Variants in IPO8 observed in about 807,000 individuals in gnomAD.
IPO8 encodes the protein importin 8.
A neutral mutation model predicts 141.2 loss-of-function variants in IPO8; 65 were observed. The ratio of observed to expected loss-of-function variants is 0.46; its 90% CI spans 0.38 to 0.57. The LOEUF (loss-of-function observed/expected upper bound fraction) is 0.57, where lower values mean the gene tolerates loss of function less well. IPO8 is among the 20% of genes least tolerant of loss of function. The probability of loss-of-function intolerance (pLI) is 0.00; values close to 1 mark genes in which losing one functional copy is unlikely to be tolerated. For missense variants in IPO8, 980 were observed against 1,246.8 expected, an observed-to-expected ratio of 0.79 and a Z score of 3.22; for synonymous variants, 411 against 420.3, an observed-to-expected ratio of 0.98 and a Z score of 0.27.
intron 1 of IPO8, among the ~76,000 whole-genome samples, chr12:30,694,664 C>T (rs779259881): frequency 6.6e-6 from 1 of 152,184 alleles, no homozygotes; most frequent in Non-Finnish European, 1.5e-5. Context: ...GATGCTGAAG[C>T]TCCAGGTCCT....
At chr12:30,632,698 C>T (rs2052449254) in intron 23 of IPO8, among the ~76,000 whole-genome samples, 1 of 152,160 alleles carries the variant, frequency 6.6e-6, no homozygotes. Flanking sequence ...ATAAAGTGAA[C>T]CTCTAACACT....
Position 30,665,240 on chromosome 12 carries a change from G to T in IPO8, c.1408C>A (p.Leu470Met). ...NHVFPLLLSN[L>M]GYLRARSCWV... is the part of the protein sequence containing the mutation. Reference sequence around the variant, plus strand: ...CTTACTCTAGCTCGAAGATATCCCAGGTTAGACAATAATAATGGAAATACA... The same window carrying T: ...CTTACTCTAGCTCGAAGATATCCCATGTTAGACAATAATAATGGAAATACA... Residue 470 changes from leucine to methionine, a missense_variant, in exon 13 of 25, where the codon CTG becomes ATG. This residue lies in a region of IPO8 where 924 missense variants were observed against 1,153.9 expected (regional missense o/e 0.80). Coordinates refer to ENST00000256079, the MANE Select transcript of IPO8 (RefSeq NM_006390.4). The T allele has an allele frequency of 6.3e-7, 1 of 1,582,670 alleles. No individual in the cohort carries two copies. The highest frequency in any genetic ancestry group is 8.7e-7 in the Non-Finnish European group (1 of 1,154,848).
In IPO8 at chr12:30,661,260, T is replaced by C; in HGVS notation, c.1762A>G (p.Ile588Val). The C allele has an allele frequency of 6.3e-7, 1 of 1,586,020 alleles. No individual in the cohort carries two copies. The highest frequency in any genetic ancestry group is 1.4e-5 in the African/African-American group (1 of 73,256). The change falls in exon 16 of 25, where the codon ATA (isoleucine) becomes GTA (valine). Residue 588 changes from isoleucine to valine, a missense_variant. Ile to Val is a conservative substitution (Grantham distance 29, BLOSUM62 3). Coordinates refer to ENST00000256079, the MANE Select transcript of IPO8 (RefSeq NM_006390.4). The stretch of plus-strand genomic sequence containing the variant: ...TCACTTTGAAGAACTTTGCCAAATA[T>C]CTCAGCCTATGAAAATAACATTAAA... ...AVDMTQHLAEIFGKVLQSDEY... is the reference protein window; with the variant it reads ...AVDMTQHLAEVFGKVLQSDEY...
At chr12:30,667,601 C>T (rs1046702420) in intron 10 of IPO8, among the ~76,000 whole-genome samples, 4 of 152,162 alleles carry the variant, frequency 2.6e-5, no homozygotes, top group Admixed American at 6.5e-5. Context: ...AAGTAAAATA[C>T]ACATATCAAA....
chr12:30,630,754 G>T lies in IPO8; in HGVS notation c.*106C>A. The T allele has an allele frequency of 1.2e-6, 1 of 816,036 alleles. No homozygotes were observed. The highest frequency in any genetic ancestry group is 2.0e-6 in the Non-Finnish European group (1 of 495,452). 50.5% of individuals were successfully genotyped at this position (816,036 alleles called of 1,614,324 possible). On this transcript the variant is annotated 3_prime_UTR_variant, in exon 25 of 25. Coordinates refer to ENST00000256079, the MANE Select transcript of IPO8 (RefSeq NM_006390.4). ...CTAATGCCAGATGGTAACTGGCACA[G>T]CAGGAGGGCCCTAAAAGCAGCCCCT... is the stretch of plus-strand genomic sequence containing the variant.
chr12:30,631,849 G>T, intron 24 of IPO8, 46 bp downstream of exon 24: 3 of 1,284,486 alleles, frequency 2.3e-6, no homozygotes, highest in South Asian at 1.3e-5. Flanking sequence ...GCTGTCTGTT[G>T]GCACTCTGAC....
intron 14 of IPO8, among the ~76,000 whole-genome samples, chr12:30,663,175 C>T (rs866458211): frequency 6.6e-6 from 1 of 152,106 alleles, no homozygotes; most frequent in Non-Finnish European, 1.5e-5. Flanking sequence ...GAAACCTGAG[C>T]CTTGACAGAT....
Position 30,629,167 on chromosome 12 carries a change from GACAAT to G in IPO8, c.*1688_*1692del, listed in dbSNP as rs1476456998. On this transcript the variant is annotated 3_prime_UTR_variant, in exon 25 of 25. Coordinates refer to ENST00000256079, the MANE Select transcript of IPO8 (RefSeq NM_006390.4). The stretch of plus-strand genomic sequence containing the variant: ...TCTCTTTCCCTTTAATACTGCAGAA[GACAAT>G]ACATCACAAAATAAAATCTCAAAAA... 3 of 152,178 alleles carry G rather than the reference GACAAT, an allele frequency of 2.0e-5. No individual in the cohort carries two copies. Among genetic ancestry groups the G allele is most frequent in the Admixed American group, 1.3e-4 (2 of 15,274 alleles). The allele number at this position is 152,178 out of a possible 1,614,324, so 9.4% of individuals were successfully genotyped here.
chr12:30,665,931 A>G, intron 11 of IPO8, 86 bp from the exon 12 acceptor site: 1 of 872,734 alleles, frequency 1.1e-6, no homozygotes, highest in Non-Finnish European at 1.8e-6. Flanking sequence ...ATTTTTAAAA[A>G]TAAAGCCATT....
intron 8 of IPO8, among the ~76,000 whole-genome samples, chr12:30,672,580 T>C (rs990812026): frequency 2.6e-5 from 4 of 152,316 alleles, no homozygotes; most frequent in East Asian, 3.9e-4. Context: ...TATATGTGTA[T>C]ACATGTATAC....
intron 21 of IPO8, among the ~76,000 whole-genome samples, chr12:30,638,748 G>C (rs2052536117): frequency 6.6e-6 from 1 of 151,908 alleles, no homozygotes. Flanking sequence ...CTCACTGCAA[G>C]CTCCGCCTCC....
At chr12:30,666,332 C>A in intron 10 of IPO8, 81 bp from the exon 11 acceptor site, 2 of 1,010,438 alleles carry the variant, frequency 2.0e-6, no homozygotes, top group South Asian at 1.7e-5. Flanking sequence ...GACCGCTATT[C>A]CAAACCAAAA....
chr12:30,639,298 G>A lies in IPO8; in HGVS notation c.2489+217C>T, dbSNP rs7955749. Among the ~76,000 whole-genome samples the A allele has an allele frequency of 7.0e-3, 1,055 of 151,770 alleles. 7 individuals are homozygous for A. Among genetic ancestry groups the A allele is most frequent in the African/African-American group, 0.023 (965 of 41,334 alleles). ...AAAAATAAATAAAAAAAATAAAAGC[G>A]GGAAAGGGCTACATCAAATTTTCAG... On this transcript the variant is annotated intron_variant, in intron 21 of 24. Transcript: ENST00000256079.
intron 8 of IPO8, among the ~76,000 whole-genome samples, chr12:30,671,687 A>G (rs1451166242): frequency 9.3e-5 from 14 of 151,010 alleles, no homozygotes; most frequent in Admixed American, 2.0e-4. Flanking sequence ...AAAAAAAAAA[A>G]AAAAAAAAAA....
intron 16 of IPO8, among the ~76,000 whole-genome samples, chr12:30,657,432 T>G (rs1321953543): frequency 6.6e-6 from 1 of 152,172 alleles, no homozygotes; most frequent in Non-Finnish European, 1.5e-5. Context: ...CCCTGTTGTA[T>G]ATTGATTTCT....
chr12:30,665,978 G>A, intron 11 of IPO8, 133 bp from the exon 12 acceptor site: 1 of 671,132 alleles, frequency 1.5e-6, no homozygotes, highest in Non-Finnish European at 2.5e-6. Flanking sequence ...AGCTCAATAA[G>A]AAAAGTATAA....
chr12:30,691,684 G>A (rs987840295), intron 1 of IPO8, among the ~76,000 whole-genome samples: 2 of 152,164 alleles, frequency 1.3e-5, no homozygotes, highest in African/African-American at 4.8e-5. Context: ...TCTCCTCAGA[G>A]CCTGGATCTG....
At chr12:30,662,632 C>G in intron 14 of IPO8, 145 bp from the exon 15 acceptor site, 1 of 684,626 alleles carries the variant, frequency 1.5e-6, no homozygotes, top group Middle Eastern at 3.8e-4. Flanking sequence ...AGTTACAAAG[C>G]TGTACCTAAA....
chr12:30,663,374 G>A, intron 14 of IPO8, 115 bp downstream of exon 14: 1 of 827,218 alleles, frequency 1.2e-6, no homozygotes. Flanking sequence ...ATTCTGAGAG[G>A]GCAAAACCTC....
Sources: allele counts gnomAD v4.1 joint callset (sites outside exome capture counted in the v4.1 genomes callset), GRCh38; gene constraint gnomAD v4.1.1; regional missense constraint gnomAD v4.1.1; transcripts MANE v1.5; gene names NCBI Gene and HGNC (gene_info 2026-07-23, HGNC 2026-07-21).